ARHGEF10L: variants seen among roughly 807,000 people sequenced by gnomAD.
ARHGEF10L encodes the protein Rho guanine nucleotide exchange factor 10 like.
In ARHGEF10L, 69 loss-of-function variants were observed where a neutral mutation model predicts 141.2. The ratio of observed to expected loss-of-function variants is 0.49; its 90% CI spans 0.40 to 0.60. The LOEUF is 0.60. Among genes scored for constraint, ARHGEF10L ranks in the 20% least tolerant of loss-of-function variants. The pLI, the probability that ARHGEF10L is intolerant of heterozygous loss-of-function variation, is 0.00. For missense variants in ARHGEF10L, 1,482 were observed against 1,734.3 expected (o/e 0.85, Z 2.58); for synonymous variants, 711 against 718.5 (o/e 0.99, Z 0.17).
chr1:17,522,220 G>A, the ARHGEF10L span, among the ~76,000 whole-genome samples: 8 of 152,202 alleles, frequency 5.3e-5, no homozygotes, highest in Non-Finnish European at 7.3e-5. Context: ...GGCACCTCAC[G>A]TGCGGCCTGT....
chr1:17,634,093 T>C (rs1170329875), intron 16 of ARHGEF10L, among the ~76,000 whole-genome samples: 1 of 152,210 alleles, frequency 6.6e-6, no homozygotes, highest in Non-Finnish European at 1.5e-5. Context: ...GGCTTATGGC[T>C]GACCCATTCA....
intron 4 of ARHGEF10L, among the ~76,000 whole-genome samples, chr1:17,596,615 C>T (rs1243741211): frequency 6.6e-6 from 1 of 152,236 alleles, no homozygotes; most frequent in South Asian, 2.1e-4. Flanking sequence ...TTTTGGGGGT[C>T]TCCTCCCCGA....
At chr1:17,679,520 TC>T (rs1226022777) in intron 26 of ARHGEF10L, among the ~76,000 whole-genome samples, 1 of 152,154 alleles carries the variant, frequency 6.6e-6, no homozygotes, top group East Asian at 1.9e-4. Context: ...GTAGGACTGG[TC>T]ACCCTAGGTT....
chr1:17,538,201 A>C (rs1323772548), upstream of ARHGEF10L, among the ~76,000 whole-genome samples: 2 of 152,222 alleles, frequency 1.3e-5, no homozygotes, highest in Non-Finnish European at 2.9e-5. Context: ...TTTCTGGTCC[A>C]AAGCTTAATG....
At chr1:17,629,223 C>T (rs1219414146) in intron 15 of ARHGEF10L, among the ~76,000 whole-genome samples, 1 of 150,172 alleles carries the variant, frequency 6.7e-6, no homozygotes, top group Non-Finnish European at 1.5e-5. Flanking sequence ...GATGGGGTCT[C>T]ACTATGATGC....
intron 26 of ARHGEF10L, among the ~76,000 whole-genome samples, chr1:17,664,986 TGGAG>T (rs1157402705): frequency 6.6e-6 from 1 of 152,126 alleles, no homozygotes; most frequent in African/African-American, 2.4e-5. Context: ...TCAAACCACA[TGGAG>T]GGAGAGGCTG....
intron 5 of ARHGEF10L, among the ~76,000 whole-genome samples, chr1:17,602,850 G>A (rs1459672582): frequency 1.3e-5 from 2 of 151,016 alleles, no homozygotes; most frequent in East Asian, 1.9e-4. Flanking sequence ...TGGGGGCAGT[G>A]TAGGAGACCA....
At chr1:17,515,875 C>T in the ARHGEF10L span, among the ~76,000 whole-genome samples, 1 of 152,164 alleles carries the variant, frequency 6.6e-6, no homozygotes, top group African/African-American at 2.4e-5. Context: ...CTCCTGGACT[C>T]AAGAGATCTG....
At chr1:17,548,034 G>C (rs1334610146) in intron 1 of ARHGEF10L, among the ~76,000 whole-genome samples, 2 of 152,154 alleles carry the variant, frequency 1.3e-5, no homozygotes, top group African/African-American at 2.4e-5. Flanking sequence ...GTGGAATAGG[G>C]ATAACACTAG....
chr1:17,682,823 C>T (rs2064230852), intron 26 of ARHGEF10L, among the ~76,000 whole-genome samples: 1 of 152,158 alleles, frequency 6.6e-6, no homozygotes, highest in Non-Finnish European at 1.5e-5. Flanking sequence ...ACCAACCCCA[C>T]ACTTCTGGGC....
At position 17,550,956 on chromosome 1, in the gene ARHGEF10L, C is replaced by T. The variant is rs531207171; in HGVS notation, c.-44+11006C>T. Among the ~76,000 whole-genome samples the T allele has an allele frequency of 7.9e-5, 12 of 152,056 alleles. No homozygotes were observed. In the South Asian group the frequency reaches 2.1e-3, roughly 26 times the overall value. ...GGGGAGGATCGGCCCCTGGTCCTCA[C>T]GATAAGTCTGTGAGGTGCAGGTGCT... On this transcript the variant is annotated intron_variant, in intron 1 of 28. Transcript: ENST00000361221.
chr1:17,695,416 G>T, intron 28 of ARHGEF10L, 136 bp downstream of exon 28: 1 of 1,240,356 alleles, frequency 8.1e-7, no homozygotes, highest in Non-Finnish European at 1.1e-6. Context: ...TCTCATCTCA[G>T]GTGGCATGGT....
intron 1 of ARHGEF10L, among the ~76,000 whole-genome samples, chr1:17,565,902 G>A (rs1477053471): frequency 1.3e-5 from 2 of 152,100 alleles, no homozygotes; most frequent in Admixed American, 1.3e-4. Flanking sequence ...TGCGGATGCT[G>A]GGCCAGGTGG....
rs577326813 is a variant in ARHGEF10L, at chr1:17,581,911, C to T, written c.37+1279C>T. On this transcript the variant is annotated intron_variant, in intron 2 of 28. Coordinates refer to ENST00000361221, the MANE Select transcript of ARHGEF10L (RefSeq NM_018125.4). ...GGGGGGTGGGGAGCAGCACAGCAGACCTGTCTTCCCTGTGGCAATGGGTGG... is the reference window on the plus strand; with the variant it reads ...GGGGGGTGGGGAGCAGCACAGCAGATCTGTCTTCCCTGTGGCAATGGGTGG... Among the ~76,000 whole-genome samples, 13 of 152,100 alleles carry T rather than the reference C, an allele frequency of 8.5e-5. No homozygotes were observed. The South Asian group carries it at 2.5e-3, about 29-fold the overall frequency.
chr1:17,653,136 C>G (rs1212533705), intron 22 of ARHGEF10L, among the ~76,000 whole-genome samples: 2 of 152,188 alleles, frequency 1.3e-5, no homozygotes, highest in African/African-American at 4.8e-5. Flanking sequence ...CCTCTCCAGT[C>G]CCCACGGCCA....
intron 1 of ARHGEF10L, among the ~76,000 whole-genome samples, chr1:17,549,328 A>T (rs2077029198): frequency 6.6e-6 from 1 of 152,062 alleles, no homozygotes; most frequent in African/African-American, 2.4e-5. Flanking sequence ...CAGCCTCGTG[A>T]GTCTTATATG....
chr1:17,696,804 G>A (rs765801153), intron 28 of ARHGEF10L, 44 bp from the exon 29 acceptor site: 14 of 1,502,684 alleles, frequency 9.3e-6, no homozygotes, highest in South Asian at 2.7e-5. Flanking sequence ...CCCTTAATGC[G>A]CTGGGCCTTT....
chr1:17,546,452 G>T (rs988378891), intron 1 of ARHGEF10L, among the ~76,000 whole-genome samples: 1 of 152,080 alleles, frequency 6.6e-6, no homozygotes, highest in African/African-American at 2.4e-5. Context: ...TTTCCATGCC[G>T]ATCCTGCAAG....
chr1:17,644,562 C>T lies in ARHGEF10L; in HGVS notation c.2273-3992C>T, dbSNP rs1334235106. ...GACAGGTGGTTGGATGAGATGCCTG[C>T]TGAGGTCCAGCCCAGCCTGACATCT... On this transcript the variant is annotated intron_variant, in intron 21 of 28. Transcript: ENST00000361221. The surrounding 1 kb of genome is among the most constrained non-coding windows in gnomAD (Gnocchi z 4.5). Among the ~76,000 whole-genome samples the T allele has an allele frequency of 6.6e-6, 1 of 152,224 alleles. No homozygotes were observed. Among genetic ancestry groups the T allele is most frequent in the Non-Finnish European group, 1.5e-5 (1 of 68,042 alleles).
Sources: gnomAD v4.1 joint callset for allele counts (sites outside exome capture counted in the v4.1 genomes callset) on GRCh38, gnomAD v4.1.1 for gene constraint, Gnocchi (gnomAD v3.1) non-coding constraint, MANE v1.5 for transcripts, NCBI Gene and HGNC (gene_info 2026-07-23, HGNC 2026-07-21) for gene names.